The following TYMP variants were observed in gnomAD, a reference collection of about 807,000 sequenced individuals.
The protein encoded by TYMP is gliostatin.
In TYMP, 46 loss-of-function variants were observed where a neutral mutation model predicts 42.3. The ratio of observed to expected loss-of-function variants is 1.09; its 90% CI spans 0.86 to 1.39. The LOEUF is 1.39. TYMP is among the 40% of genes most tolerant of loss of function. The pLI is 0.00. For synonymous variants in TYMP, 363 were observed against 308.0 expected (o/e 1.18, Z -1.87); for missense variants, 837 against 677.6 (o/e 1.24, Z -2.61).
intron 7 of TYMP, 30 bp from the exon 8 acceptor site, chr22:50,526,506 C>G: frequency 2.0e-6 from 3 of 1,522,784 alleles, no homozygotes; most frequent in Non-Finnish European, 1.8e-6. Flanking sequence ...TTAGGCGCGG[C>G]CGGGTCGGGG....
At chr22:50,527,454 G>T in intron 5 of TYMP, 134 bp downstream of exon 5, 1 of 1,427,282 alleles carries the variant, frequency 7.0e-7, no homozygotes, top group Non-Finnish European at 9.9e-7. Flanking sequence ...ACATGGTGGT[G>T]GTCAGGCATC....
chr22:50,527,524 T>C (rs2148680240), intron 5 of TYMP, 64 bp downstream of exon 5: 1 of 1,613,050 alleles, frequency 6.2e-7, no homozygotes, highest in Non-Finnish European at 8.5e-7. Flanking sequence ...CGAGAGGCCC[T>C]TGACTTGAGT....
At chr22:50,526,554 C>G in intron 7 of TYMP, 22 bp downstream of exon 7, 1 of 1,557,396 alleles carries the variant, frequency 6.4e-7, no homozygotes, top group Non-Finnish European at 8.7e-7. Context: ...GCCTCCGCTC[C>G]CCTACACCCC....
At chr22:50,528,659 T>G (rs779637374) in intron 3 of TYMP, 49 bp from the exon 4 acceptor site, 17 of 1,417,940 alleles carry the variant, frequency 1.2e-5, no homozygotes, top group Middle Eastern at 3.5e-4. Flanking sequence ...CTCCCCCACC[T>G]CTGTGCATCC....
chr22:50,528,677 T>C, intron 3 of TYMP, 67 bp from the exon 4 acceptor site: 1 of 1,266,592 alleles, frequency 7.9e-7, no homozygotes, highest in Non-Finnish European at 1.1e-6. Flanking sequence ...TCCCTTCACC[T>C]TCCCTGGCTA....
At chr22:50,528,257 G>C in intron 4 of TYMP, 3 of 544,434 alleles carry the variant, frequency 5.5e-6, no homozygotes, top group Non-Finnish European at 1.0e-5. Context: ...TGCCCTCTTC[G>C]GCCTCCCCAA....
chr22:50,527,436 G>T, intron 5 of TYMP, 152 bp downstream of exon 5: 1 of 1,332,308 alleles, frequency 7.5e-7, no homozygotes, highest in Non-Finnish European at 1.1e-6. Flanking sequence ...TGAGTATCAG[G>T]CCACCCCACA....
Position 50,525,932 on chromosome 22 carries a change from G to A in TYMP, c.1301-14C>T. On this transcript the variant is annotated splice_polypyrimidine_tract_variant and intron_variant, in intron 9 of 9. Transcript: ENST00000252029. ...GCCAGGGGGTCCCTGCAGAGCGAGG[G>A]GCTGTTAGAGGCCGCGCGGCCGGAG... is the stretch of plus-strand genomic sequence containing the variant. The A allele has an allele frequency of 2.1e-6, 3 of 1,442,058 alleles. No individual in the cohort carries two copies. Among genetic ancestry groups the A allele is most frequent in the Middle Eastern group, 2.4e-4 (1 of 4,144 alleles). The allele number at this position is 1,442,058 out of a possible 1,614,324, so 89.3% of individuals were successfully genotyped here.
chr22:50,528,455 C>T, intron 4 of TYMP, 57 bp downstream of exon 4: 2 of 1,436,144 alleles, frequency 1.4e-6, no homozygotes, highest in Middle Eastern at 1.7e-4. Context: ...TTTAGTGATT[C>T]TGGCCAGGGT....
At chr22:50,528,401 G>T in intron 4 of TYMP, 111 bp downstream of exon 4, 2 of 938,122 alleles carry the variant, frequency 2.1e-6, no homozygotes, top group South Asian at 2.8e-5. Flanking sequence ...GAGTAACCTT[G>T]ACCAGTGTTC....
chr22:50,529,657 A>G lies in TYMP; in HGVS notation c.53T>C (p.Phe18Ser), dbSNP rs768512554. ...AAGTCCCTGGCTCCCTTCCCCGGAG[A>G]AGTCACCAGGCGCGGGTGGGGCCCC... ...GTGAPPAPGDFSGEGSQGLPD... is the reference protein window; with the variant it reads ...GTGAPPAPGDSSGEGSQGLPD... The change falls in exon 2 of 10, where the codon TTC becomes TCC. Residue 18 changes from phenylalanine (F) to serine (S), a missense_variant. Transcript: ENST00000252029. 1.2e-6 allele frequency: 2 copies of G among 1,612,308 alleles called. No individual in the cohort carries two copies. The highest frequency in any genetic ancestry group is 1.3e-5 in the African/African-American group (1 of 74,930).
chr22:50,529,913 G>A lies in TYMP; in HGVS notation c.-20C>T, dbSNP rs1040337014. On this transcript the variant is annotated 5_prime_UTR_variant, in exon 1 of 10. Coordinates refer to ENST00000252029, the MANE Select transcript of TYMP (RefSeq NM_001953.5). Reference sequence around the variant, plus strand: ...TGAGCCCCGCCCGTACCTGCTTAGGGCGCTGCCCTCGCCCGCTTGCTCCGG... The same window carrying A: ...TGAGCCCCGCCCGTACCTGCTTAGGACGCTGCCCTCGCCCGCTTGCTCCGG... The A allele has an allele frequency of 3.3e-6, 2 of 612,032 alleles. No homozygotes were observed. Among genetic ancestry groups the A allele is most frequent in the Admixed American group, 2.9e-5 (1 of 33,900 alleles). 37.9% of individuals were successfully genotyped at this position (612,032 alleles called of 1,614,324 possible).
In TYMP at chr22:50,526,239, C is replaced by A. The variant is rs776978384; in HGVS notation, c.1159+7G>T. The A allele has an allele frequency of 6.5e-7, 1 of 1,533,878 alleles. No homozygotes were observed. The highest frequency in any genetic ancestry group is 1.2e-5 in the South Asian group (1 of 83,466). ...GGCGGAAGGACGGGGACTCCCCCGA[C>A]GCTCACCATCTGCGGGCGCCAGCAG... On this transcript the variant is annotated splice_region_variant and intron_variant, in intron 8 of 9. Coordinates refer to ENST00000252029, the MANE Select transcript of TYMP (RefSeq NM_001953.5).
rs949820982 is a variant in TYMP, at chr22:50,529,116, G to A, written c.417+20C>T. 17 of 1,612,544 alleles carry A rather than the reference G, an allele frequency of 1.1e-5. No individual in the cohort carries two copies. Among genetic ancestry groups the A allele is most frequent in the South Asian group, 2.2e-5 (2 of 91,076 alleles). On this transcript the variant is annotated intron_variant, in intron 3 of 9. Coordinates refer to ENST00000252029, the MANE Select transcript of TYMP (RefSeq NM_001953.5). Reference sequence around the variant, plus strand: ...CATGTGCGGTATAGGCTCCCGTCTGGAAAGGAGGTGGTTTCTAACCTTGCA... The same window carrying A: ...CATGTGCGGTATAGGCTCCCGTCTGAAAAGGAGGTGGTTTCTAACCTTGCA...
At chr22:50,526,767 C>G (rs1165882750) in intron 6 of TYMP, 29 bp from the exon 7 acceptor site, 3 of 1,530,668 alleles carry the variant, frequency 2.0e-6, no homozygotes, top group Non-Finnish European at 2.6e-6. Context: ...GCGTGGACCC[C>G]CCATGGCGGG....
chr22:50,529,280 C>T lies in TYMP; in HGVS notation c.273G>A (p.Leu91=). The T allele has an allele frequency of 6.2e-7, 1 of 1,613,384 alleles. No homozygotes were observed. Among genetic ancestry groups the T allele is most frequent in the Non-Finnish European group, 8.5e-7 (1 of 1,180,020 alleles). The change falls in exon 3 of 10, where the codon CTG becomes CTA. Residue 91 remains leucine, a synonymous_variant. Coordinates refer to ENST00000252029, the MANE Select transcript of TYMP (RefSeq NM_001953.5). ...GTCCCGACTGAGCCAGGGCCTGGGT[C>T]AGCACCGAGGTCTCCTCCAGATCCA... is the stretch of plus-strand genomic sequence containing the variant. ...RGMDLEETSV[L]TQALAQSGQQ... is the part of the protein sequence containing the mutation.
At chr22:50,527,550 C>T (rs997843753) in intron 5 of TYMP, 38 bp downstream of exon 5, 7 of 1,613,866 alleles carry the variant, frequency 4.3e-6, no homozygotes, top group Non-Finnish European at 5.1e-6. Context: ...GGTCAGGAGC[C>T]TGTGAACATG....
At position 50,527,694 on chromosome 22, in the gene TYMP, C is replaced by T. The variant is rs1377623424; in HGVS notation, c.540G>A (p.Ala180=). The T allele has an allele frequency of 2.5e-6, 4 of 1,613,764 alleles. No individual in the cohort carries two copies. The highest frequency in any genetic ancestry group is 2.2e-5 in the East Asian group (1 of 44,878). ...PEQMQVLLDQ[A]GCCIVGQSEQ... is the part of the protein sequence containing the mutation. ...CACTCTGACCCACGATACAGCAGCCCGCCTGGTCCAGCAGCACTTGCATCT... is the reference window on the plus strand; with the variant it reads ...CACTCTGACCCACGATACAGCAGCCTGCCTGGTCCAGCAGCACTTGCATCT... Residue 180 remains alanine (A), a synonymous_variant, in exon 5 of 10, where the codon GCG becomes GCA. Transcript: ENST00000252029.
rs1373519372 is a variant in TYMP at position 50,526,428 on chromosome 22, C to T, written c.977G>A (p.Gly326Asp). 1 of 1,510,078 alleles carries T rather than the reference C, an allele frequency of 6.6e-7. No homozygotes were observed. Among genetic ancestry groups the T allele is most frequent in the Admixed American group, 2.1e-5 (1 of 47,996 alleles). The allele number at this position is 1,510,078 out of a possible 1,614,324, so 93.5% of individuals were successfully genotyped here. Residue 326 changes from glycine (G) to aspartate (D), a missense_variant, in exon 8 of 10, where the codon GGC becomes GAC. By Grantham distance (94) the Gly-to-Asp change is moderately conservative. Coordinates refer to ENST00000252029, the MANE Select transcript of TYMP (RefSeq NM_001953.5). ...LSGHAGTQAQ[G>D]AARVAAALDD... Reference sequence around the variant, plus strand: ...CAGCGCCGCGGCCACCCGGGCAGCGCCCTGGGCCTGAGTCCCCGCGTGTCC... The same window carrying T: ...CAGCGCCGCGGCCACCCGGGCAGCGTCCTGGGCCTGAGTCCCCGCGTGTCC...
Sources: gnomAD v4.1 joint callset for allele counts on GRCh38, gnomAD v4.1.1 for gene constraint, MANE v1.5 for transcripts, NCBI Gene and HGNC (gene_info 2026-07-23, HGNC 2026-07-21) for gene names.